Variants in ZPBP observed in about 807,000 individuals in gnomAD.
ZPBP encodes zona pellucida-binding protein 1.
A neutral mutation model predicts 44.8 loss-of-function variants in ZPBP; 26 were observed. The ratio of observed to expected loss-of-function variants is 0.58; its 90% confidence interval spans 0.43 to 0.81. The LOEUF is 0.81. Among genes scored for constraint, ZPBP ranks in the 30% least tolerant of loss-of-function variants. ZPBP has a pLI of 0.00. For missense variants in ZPBP, 409 were observed against 434.0 expected (o/e 0.94, Z 0.51); for synonymous variants, 174 against 153.2 (o/e 1.14, Z -1.00).
intron 3 of ZPBP, among the ~76,000 whole-genome samples, chr7:50,069,184 C>G (rs1487180436): frequency 6.6e-6 from 1 of 152,160 alleles, no homozygotes; most frequent in South Asian, 2.1e-4. Flanking sequence ...TCCTTAGAGG[C>G]AGTTAGCCTG....
intron 2 of ZPBP, among the ~76,000 whole-genome samples, chr7:49,889,653 A>T (rs774662368): frequency 1.8e-4 from 27 of 152,168 alleles, no homozygotes; most frequent in Non-Finnish European, 3.1e-4. Flanking sequence ...TTTGCTCCTT[A>T]AGTTTGCCCT....
intron 1 of ZPBP, among the ~76,000 whole-genome samples, chr7:49,922,245 T>C (rs896307532): frequency 6.6e-6 from 1 of 152,174 alleles, no homozygotes; most frequent in African/African-American, 2.4e-5. Flanking sequence ...TTTCTAAAAG[T>C]AAATGTAATG....
Position 49,937,651 on chromosome 7 carries a change from G to A in ZPBP, c.962-29C>T, listed in dbSNP as rs374194783. 727 of 1,534,996 alleles carry A rather than the reference G, an allele frequency of 4.7e-4. 3 individuals carry two copies. Among genetic ancestry groups the A allele is most frequent in the Non-Finnish European group, 2.3e-4 (254 of 1,108,578 alleles). On this transcript the variant is annotated intron_variant, in intron 7 of 7. Coordinates refer to ENST00000046087, the MANE Select transcript of ZPBP (RefSeq NM_007009.3). The stretch of plus-strand genomic sequence containing the variant: ...TGAAAAAAGAGTAAGTTAATAAGTA[G>A]TATTTTCCTAATACACATAATATAA...
chr7:50,023,549 A>AT (rs1026886725), intron 5 of ZPBP, among the ~76,000 whole-genome samples: 2 of 151,990 alleles, frequency 1.3e-5, no homozygotes, highest in Non-Finnish European at 2.9e-5. Context: ...TATTTAACTA[A>AT]TTTTTTACTA....
chr7:50,052,465 G>A (rs1454822206), intron 4 of ZPBP, among the ~76,000 whole-genome samples: 1 of 152,160 alleles, frequency 6.6e-6, no homozygotes. Flanking sequence ...TGCTGGTGGA[G>A]ACATGGAGTA....
chr7:50,049,481 C>T (rs911442223), intron 4 of ZPBP, among the ~76,000 whole-genome samples: 5 of 150,934 alleles, frequency 3.3e-5, no homozygotes, highest in Admixed American at 1.3e-4. Context: ...GGATTTAAAC[C>T]GAGAATGCAA....
chr7:50,059,642 T>C (rs1801147075), intron 3 of ZPBP, among the ~76,000 whole-genome samples: 1 of 152,202 alleles, frequency 6.6e-6, no homozygotes, highest in Non-Finnish European at 1.5e-5. Flanking sequence ...AAAGAAATTA[T>C]AGAATATTAC....
At chr7:50,034,321 C>T (rs1000633485) in intron 4 of ZPBP, among the ~76,000 whole-genome samples, 1 of 151,986 alleles carries the variant, frequency 6.6e-6, no homozygotes, top group South Asian at 2.1e-4. Context: ...ATCAAAACTG[C>T]TTTTCCTAAA....
chr7:49,876,750 A>G (rs1482011996), intron 2 of ZPBP, among the ~76,000 whole-genome samples: 1 of 152,010 alleles, frequency 6.6e-6, no homozygotes, highest in Non-Finnish European at 1.5e-5. Context: ...CTGTCAACAC[A>G]GTTTTATTTG....
intron 1 of ZPBP, among the ~76,000 whole-genome samples, chr7:50,092,025 T>C (rs1317952929): frequency 6.6e-6 from 1 of 152,236 alleles, no homozygotes; most frequent in East Asian, 1.9e-4. Context: ...GAATACTGTA[T>C]AAATTGTAAA....
In ZPBP at chr7:50,009,134, G is replaced by A. The variant is rs1798449972; in HGVS notation, c.783+9106C>T. Among the ~76,000 whole-genome samples, 3 of 151,516 alleles carry A rather than the reference G, an allele frequency of 2.0e-5. No individual in the cohort carries two copies. In the South Asian group the frequency reaches 6.2e-4, roughly 31 times the overall value. On this transcript the variant is annotated intron_variant, in intron 6 of 7. Transcript: ENST00000046087. ...TGTCTGTAATCCCAGCTGCTTGGGA[G>A]GCTGAGGCAGGATTATCACTTGAAC...
At chr7:50,034,061 G>A (rs1799721144) in intron 4 of ZPBP, among the ~76,000 whole-genome samples, 2 of 152,074 alleles carry the variant, frequency 1.3e-5, no homozygotes, top group Non-Finnish European at 2.9e-5. Context: ...AACAAAACTG[G>A]ACTCACTGTG....
At chr7:49,845,661 G>C, downstream of ZPBP, among the ~76,000 whole-genome samples, 1 of 151,310 alleles carries the variant, frequency 6.6e-6, no homozygotes, top group East Asian at 1.9e-4. Context: ...ACCAACCTTC[G>C]GTGATACTTC....
rs189899825 is a variant in ZPBP at position 49,862,017 on chromosome 7, G to A, written n.510-11503C>T. ...AGGCTTTTCCATTTCCATAAAAAAT[G>A]GTTGTTGGAATTTTGAAAGGGATTG... On this transcript the variant is annotated intron_variant and non_coding_transcript_variant, in intron 2 of 2. Coordinates refer to the ZPBP transcript ENST00000465922. Among the ~76,000 whole-genome samples, 4 of 152,254 alleles carry A rather than the reference G, an allele frequency of 2.6e-5. No homozygotes were observed. In the East Asian group the frequency reaches 5.8e-4, roughly 22 times the overall value.
Position 50,005,823 on chromosome 7 carries a change from ATGTGTGTGTGTGTGTGTGTGTG to A in ZPBP, c.783+12395_783+12416del, listed in dbSNP as rs71018444. On this transcript the variant is annotated intron_variant, in intron 6 of 7. Coordinates refer to ENST00000046087, the MANE Select transcript of ZPBP (RefSeq NM_007009.3). ...AATGAGTTAAACTTCATAACTATAT[ATGTGTGTGTGTGTGTGTGTGTG>A]TGTGTGTGTGTGTGTGTGTGTGTTT... 3.5e-5 allele frequency among the ~76,000 whole-genome samples: 5 copies of A among 144,912 alleles called. No homozygotes were observed. In the East Asian group the frequency reaches 6.0e-4, roughly 18 times the overall value.
intron 2 of ZPBP, among the ~76,000 whole-genome samples, chr7:49,867,857 G>A (rs1463901303): frequency 6.8e-6 from 1 of 147,668 alleles, no homozygotes; most frequent in Non-Finnish European, 1.5e-5. Flanking sequence ...TTTTTGAGGT[G>A]GAGTCTTGCC....
chr7:50,034,621 G>A (rs1050488263), intron 4 of ZPBP, among the ~76,000 whole-genome samples: 2 of 151,684 alleles, frequency 1.3e-5, no homozygotes, highest in Non-Finnish European at 2.9e-5. Context: ...AAATACCAGT[G>A]TGCCTATACC....
intron 3 of ZPBP, among the ~76,000 whole-genome samples, chr7:50,065,324 G>A (rs1238774911): frequency 6.6e-6 from 1 of 150,880 alleles, no homozygotes. Context: ...TGCCTTCCAA[G>A]CATTTGGAGC....
intron 2 of ZPBP, among the ~76,000 whole-genome samples, chr7:49,877,223 A>T (rs1355601088): frequency 1.3e-5 from 2 of 151,674 alleles, no homozygotes; most frequent in Non-Finnish European, 2.9e-5. Context: ...GCACTTTGGG[A>T]GGCCGAAGCA....
Sources: allele counts gnomAD v4.1 joint callset (sites outside exome capture counted in the v4.1 genomes callset), GRCh38; gene constraint gnomAD v4.1.1; transcripts MANE v1.5; gene names NCBI Gene and HGNC (gene_info 2026-07-23, HGNC 2026-07-21).